The following FSTL5 variants were observed in gnomAD, a reference collection of about 807,000 sequenced individuals.
FSTL5 encodes follistatin-related protein 5.
In FSTL5, 62 loss-of-function variants were observed where a neutral mutation model predicts 89.1. The ratio of observed to expected loss-of-function variants is 0.70; its 90% CI spans 0.57 to 0.86. FSTL5 has a LOEUF of 0.86. Among genes scored for constraint, FSTL5 ranks in the 40% least tolerant of loss-of-function variants. The pLI is 0.00. For synonymous variants in FSTL5, 383 were observed against 346.2 expected, an observed-to-expected ratio of 1.11 and a Z score of -1.18; for missense variants, 1,057 against 1,001.6, an observed-to-expected ratio of 1.06 and a Z score of -0.75.
intron 6 of FSTL5, among the ~76,000 whole-genome samples, chr4:161,736,735 A>G (rs978624573): frequency 2.0e-5 from 3 of 152,124 alleles, no homozygotes; most frequent in African/African-American, 7.2e-5. Flanking sequence ...TCTGTCCTGC[A>G]GATTAGAGGC....
intron 4 of FSTL5, among the ~76,000 whole-genome samples, chr4:161,909,595 G>A (rs575131484): frequency 1.4e-4 from 22 of 152,160 alleles, no homozygotes; most frequent in African/African-American, 4.6e-4. Flanking sequence ...ACTTGCAACT[G>A]ATGCTTCATT....
At chr4:161,506,563 T>C (rs950232256) in intron 11 of FSTL5, among the ~76,000 whole-genome samples, 2 of 152,200 alleles carry the variant, frequency 1.3e-5, no homozygotes, top group Non-Finnish European at 2.9e-5. Context: ...TGTAGTCTTT[T>C]ATTCTTTTCT....
chr4:162,048,931 A>G (rs74949120), intron 2 of FSTL5, among the ~76,000 whole-genome samples: 1 of 152,272 alleles, frequency 6.6e-6, no homozygotes, highest in East Asian at 1.9e-4. Context: ...GAGGGTAGAC[A>G]AAGGGTCTTA....
rs570202506 is a variant in FSTL5 at position 162,043,740 on chromosome 4, T to C, written c.127-10082A>G. 1.5e-4 allele frequency among the ~76,000 whole-genome samples: 23 copies of C among 152,334 alleles called. No homozygotes were observed. The East Asian group carries it at 4.4e-3, about 29-fold the overall frequency. Reference sequence around the variant, plus strand: ...GCCACTGCTTTATCAACTACGTTTATGTAATATTCTAAACCCTTTGTTGTC... The same window carrying C: ...GCCACTGCTTTATCAACTACGTTTACGTAATATTCTAAACCCTTTGTTGTC... On this transcript the variant is annotated intron_variant, in intron 2 of 15. Coordinates refer to ENST00000306100, the MANE Select transcript of FSTL5 (RefSeq NM_020116.5).
chr4:162,099,593 A>T (rs1361053731), intron 2 of FSTL5, among the ~76,000 whole-genome samples: 2 of 152,166 alleles, frequency 1.3e-5, no homozygotes, highest in Non-Finnish European at 2.9e-5. Flanking sequence ...AAAATTAAAA[A>T]TTTCTGCTAT....
At chr4:161,547,126 C>G (rs954665690) in intron 8 of FSTL5, among the ~76,000 whole-genome samples, 1 of 152,028 alleles carries the variant, frequency 6.6e-6, no homozygotes, top group Non-Finnish European at 1.5e-5. Context: ...CCCATGACAA[C>G]AGCCAGCAAA....
chr4:161,487,562 G>A (rs1257496436), intron 12 of FSTL5, among the ~76,000 whole-genome samples: 2 of 152,078 alleles, frequency 1.3e-5, no homozygotes, highest in Non-Finnish European at 2.9e-5. Flanking sequence ...AGGATTTCAT[G>A]TAGTGAAAAC....
At chr4:161,520,990 A>G (rs1333696871) in intron 10 of FSTL5, among the ~76,000 whole-genome samples, 1 of 152,144 alleles carries the variant, frequency 6.6e-6, no homozygotes, top group Non-Finnish European at 1.5e-5. Flanking sequence ...GTCCTTGGAT[A>G]TTTTTTCCTT....
chr4:161,559,872 G>A lies in FSTL5; in HGVS notation c.1016-17179C>T, dbSNP rs78008434. Among the ~76,000 whole-genome samples, 1,179 of 151,906 alleles carry A rather than the reference G, an allele frequency of 7.8e-3. 14 individuals carry two copies. Among genetic ancestry groups the A allele is most frequent in the African/African-American group, 0.027 (1,118 of 41,458 alleles). Reference sequence around the variant, plus strand: ...CCTATTTACACACCTAAGCTATATGGTATAGCCAATATAGCTCCCAGGCCA... The same window carrying A: ...CCTATTTACACACCTAAGCTATATGATATAGCCAATATAGCTCCCAGGCCA... On this transcript the variant is annotated intron_variant, in intron 8 of 15. Coordinates refer to ENST00000306100, the MANE Select transcript of FSTL5 (RefSeq NM_020116.5).
intron 15 of FSTL5, among the ~76,000 whole-genome samples, chr4:161,428,565 T>C (rs965296440): frequency 1.3e-5 from 2 of 152,184 alleles, no homozygotes; most frequent in East Asian, 3.9e-4. Flanking sequence ...GGCAGAGCTC[T>C]CAGGCCCCCA....
At chr4:161,599,643 C>A (rs1197236758) in intron 7 of FSTL5, among the ~76,000 whole-genome samples, 1 of 150,736 alleles carries the variant, frequency 6.6e-6, no homozygotes, top group Non-Finnish European at 1.5e-5. Flanking sequence ...TGCCATGAAG[C>A]TAATAATGTC....
chr4:161,926,414 T>TG (rs1475361189), intron 3 of FSTL5, among the ~76,000 whole-genome samples: 2 of 91,886 alleles, frequency 2.2e-5, no homozygotes, highest in Non-Finnish European at 4.9e-5. Flanking sequence ...TTTGTTTTGT[T>TG]TTTTGTTTTT....
chr4:161,801,701 A>T (rs1729798851), intron 4 of FSTL5, among the ~76,000 whole-genome samples: 2 of 151,010 alleles, frequency 1.3e-5, no homozygotes, highest in South Asian at 4.1e-4. Context: ...AATATTTATA[A>T]GTATCTTATC....
intron 2 of FSTL5, among the ~76,000 whole-genome samples, chr4:162,088,643 G>A (rs1730417612): frequency 6.6e-6 from 1 of 152,066 alleles, no homozygotes; most frequent in African/African-American, 2.4e-5. Context: ...AGAGAAGGAA[G>A]AATTATGATT....
chr4:162,064,784 A>C (rs891423022), intron 2 of FSTL5, among the ~76,000 whole-genome samples: 3 of 152,034 alleles, frequency 2.0e-5, no homozygotes, highest in Admixed American at 6.6e-5. Flanking sequence ...TATAACTGAA[A>C]TTACGTACTC....
chr4:161,920,330 T>C, intron 4 of FSTL5, 74 bp downstream of exon 4: 1 of 1,449,782 alleles, frequency 6.9e-7, no homozygotes, highest in Non-Finnish European at 9.4e-7. Context: ...ATAAAATTGC[T>C]AGAGTTTAAA....
At chr4:162,030,551 A>G (rs1737480993) in intron 3 of FSTL5, among the ~76,000 whole-genome samples, 1 of 152,030 alleles carries the variant, frequency 6.6e-6, no homozygotes, top group Non-Finnish European at 1.5e-5. Flanking sequence ...GGAGGAGAAA[A>G]TTTTGCAATA....
At chr4:161,724,389 C>A (rs1194652944) in intron 6 of FSTL5, among the ~76,000 whole-genome samples, 1 of 151,778 alleles carries the variant, frequency 6.6e-6, no homozygotes, top group Non-Finnish European at 1.5e-5. Context: ...ATGTTCTAGT[C>A]AAAATAAATG....
At chr4:162,078,060 T>C (rs1159908395) in intron 2 of FSTL5, among the ~76,000 whole-genome samples, 1 of 151,898 alleles carries the variant, frequency 6.6e-6, no homozygotes, top group Non-Finnish European at 1.5e-5. Context: ...AAATGTTTGA[T>C]TTAGCATCTG....
Sources: gnomAD v4.1 joint callset for allele counts (sites outside exome capture counted in the v4.1 genomes callset) on GRCh38, gnomAD v4.1.1 for gene constraint, MANE v1.5 for transcripts, NCBI Gene and HGNC (gene_info 2026-07-23, HGNC 2026-07-21) for gene names.